EFCAB11: variants seen among roughly 807,000 people sequenced by gnomAD.
EFCAB11 encodes the protein EF-hand calcium binding domain 11, also known as EF-hand calcium-binding domain-containing protein 11.
EFCAB11 carries 14 observed loss-of-function variants against 23.0 expected under a neutral mutation model. That is an observed-to-expected ratio of 0.61 (90% CI 0.40 to 0.95). The LOEUF (loss-of-function observed/expected upper bound fraction) is 0.95. Ranked by LOEUF, EFCAB11 falls within the 40% of genes least tolerant of loss-of-function variation. The pLI, the probability that EFCAB11 is intolerant of heterozygous loss-of-function variation, is 0.00. For synonymous variants in EFCAB11, 65 were observed against 66.6 expected (o/e 0.98, Z 0.11); for missense variants, 198 against 195.8 (o/e 1.01, Z -0.07).
Position 89,813,589 on chromosome 14 carries a change from G to C in EFCAB11, c.411-16265C>G, listed in dbSNP as rs1886223296. On this transcript the variant is annotated intron_variant, in intron 5 of 5. Coordinates refer to ENST00000316738, the MANE Select transcript of EFCAB11 (RefSeq NM_145231.4). ...TCTCTATTTCCAACATATTCTATGAGGAGCATTTGTTACTTCAGCCAGATC... is the reference window on the plus strand; with the variant it reads ...TCTCTATTTCCAACATATTCTATGACGAGCATTTGTTACTTCAGCCAGATC... Among the ~76,000 whole-genome samples, 5 of 151,770 alleles carry C rather than the reference G, an allele frequency of 3.3e-5. No homozygotes were observed. In the South Asian group the frequency reaches 1.0e-3, roughly 32 times the overall value.
intron 5 of EFCAB11, among the ~76,000 whole-genome samples, chr14:89,903,636 G>C (rs1596444306): frequency 6.6e-6 from 1 of 152,136 alleles, no homozygotes; most frequent in Non-Finnish European, 1.5e-5. Flanking sequence ...TTTAAAAATA[G>C]ATCTGAGAAA....
chr14:89,941,124 A>C (rs1346706165), intron 3 of EFCAB11, among the ~76,000 whole-genome samples: 1 of 152,222 alleles, frequency 6.6e-6, no homozygotes, highest in Admixed American at 6.5e-5. Flanking sequence ...CCCCTCCATG[A>C]GACATCACAG....
intron 3 of EFCAB11, among the ~76,000 whole-genome samples, chr14:89,940,436 T>C (rs761490199): frequency 3.3e-5 from 5 of 152,220 alleles, no homozygotes; most frequent in Admixed American, 6.5e-5. Context: ...GTCAACTGTC[T>C]TGTTTAGAAC....
At chr14:89,872,287 A>C (rs1486189628) in intron 5 of EFCAB11, among the ~76,000 whole-genome samples, 2 of 152,176 alleles carry the variant, frequency 1.3e-5, no homozygotes. Context: ...AGACAAAGGG[A>C]GGCAGGGTTA....
chr14:89,869,478 C>A (rs539749505), intron 5 of EFCAB11, among the ~76,000 whole-genome samples: 7 of 152,234 alleles, frequency 4.6e-5, no homozygotes, highest in African/African-American at 1.7e-4. Flanking sequence ...ATTCTCACTT[C>A]TATGAGGTTA....
In EFCAB11 at chr14:89,808,438, T is replaced by C. The variant is rs145542918; in HGVS notation, c.411-11114A>G. Among the ~76,000 whole-genome samples, 93 of 152,080 alleles carry C rather than the reference T, an allele frequency of 6.1e-4. 1 individual carries two copies. The highest frequency in any genetic ancestry group is 2.2e-3 in the African/African-American group (92 of 41,486). ...GATTTTTTTTTCCATTAAATGAGAG[T>C]GCAGGAACTTATATAAAAATTAAGA... On this transcript the variant is annotated intron_variant, in intron 5 of 5. Transcript: ENST00000316738.
At chr14:89,879,345 A>G (rs778480861) in intron 5 of EFCAB11, among the ~76,000 whole-genome samples, 7 of 151,980 alleles carry the variant, frequency 4.6e-5, no homozygotes, top group Non-Finnish European at 7.4e-5. Context: ...AGCCTGTGTT[A>G]TTGTTCTTTT....
chr14:89,925,486 C>T (rs1036902239), intron 5 of EFCAB11, among the ~76,000 whole-genome samples: 1 of 152,114 alleles, frequency 6.6e-6, no homozygotes, highest in African/African-American at 2.4e-5. Flanking sequence ...TTCTATAGTA[C>T]AAACAGTACT....
Position 89,946,478 on chromosome 14 carries a change from C to G in EFCAB11, c.217+3619G>C, listed in dbSNP as rs566185717. On this transcript the variant is annotated intron_variant, in intron 3 of 5. Transcript: ENST00000316738. The stretch of plus-strand genomic sequence containing the variant: ...GGCTGTTGAGATCATTTACATCTAA[C>G]TAAAACATTAATGATTGGATTTAAA... Among the ~76,000 whole-genome samples, 29 of 152,292 alleles carry G rather than the reference C, an allele frequency of 1.9e-4. No homozygotes were observed. The South Asian group carries it at 5.8e-3, about 30-fold the overall frequency.
chr14:89,909,841 T>A (rs796177792), intron 5 of EFCAB11, among the ~76,000 whole-genome samples: 1 of 152,184 alleles, frequency 6.6e-6, no homozygotes, highest in Non-Finnish European at 1.5e-5. Context: ...ATGCACTCTG[T>A]CTAGAATATG....
chr14:89,813,905 T>G (rs1886236410), intron 5 of EFCAB11, among the ~76,000 whole-genome samples: 1 of 152,192 alleles, frequency 6.6e-6, no homozygotes, highest in Non-Finnish European at 1.5e-5. Flanking sequence ...GCTTGACTTC[T>G]GCGGAGAAGG....
chr14:89,952,494 T>C, intron 2 of EFCAB11: 1 of 985,458 alleles, frequency 1.0e-6, no homozygotes, highest in Non-Finnish European at 1.2e-6. Flanking sequence ...ACAGGAGAGC[T>C]GCCATTTCTA....
intron 5 of EFCAB11, among the ~76,000 whole-genome samples, chr14:89,862,515 A>G (rs1887956690): frequency 6.6e-6 from 1 of 152,234 alleles, no homozygotes; most frequent in African/African-American, 2.4e-5. Context: ...GGTCAGAGAC[A>G]TATTTTCCAA....
At chr14:89,822,640 A>G (rs1245735003) in intron 5 of EFCAB11, among the ~76,000 whole-genome samples, 3 of 152,212 alleles carry the variant, frequency 2.0e-5, no homozygotes, top group African/African-American at 7.2e-5. Context: ...ATGGACACAC[A>G]GAGTGTGAGA....
At chr14:89,881,636 C>T (rs901813418) in intron 5 of EFCAB11, among the ~76,000 whole-genome samples, 7 of 150,202 alleles carry the variant, frequency 4.7e-5, no homozygotes, top group Admixed American at 2.7e-4. Flanking sequence ...TTAGTAGAGG[C>T]GGGGTTTCAC....
chr14:89,938,485 G>T (rs1180884680), intron 3 of EFCAB11, among the ~76,000 whole-genome samples: 2 of 152,180 alleles, frequency 1.3e-5, no homozygotes, highest in African/African-American at 4.8e-5. Context: ...TTCAAAAATA[G>T]TGAGTTGTCA....
At chr14:89,854,850 C>T (rs1255343458) in intron 5 of EFCAB11, among the ~76,000 whole-genome samples, 4 of 152,100 alleles carry the variant, frequency 2.6e-5, no homozygotes, top group African/African-American at 4.8e-5. Flanking sequence ...TATTTGAATG[C>T]ACCTGCTCTT....
At position 89,881,317 on chromosome 14, in the gene EFCAB11, CTCT is replaced by C. The variant is rs775107842; in HGVS notation, c.410+50221_410+50223del. Reference sequence around the variant, plus strand: ...AGAAGTAAAAGGCTGAATAACTGAGCTCTTCATCAACCCCCATATTTAGAGATA... The same window carrying C: ...AGAAGTAAAAGGCTGAATAACTGAGCTCATCAACCCCCATATTTAGAGATA... On this transcript the variant is annotated intron_variant, in intron 5 of 5. Coordinates refer to ENST00000316738, the MANE Select transcript of EFCAB11 (RefSeq NM_145231.4). Among the ~76,000 whole-genome samples the C allele has an allele frequency of 9.0e-4, 135 of 150,824 alleles. 1 individual carries two copies. In the Middle Eastern group the frequency reaches 0.017, roughly 19 times the overall value.
intron 5 of EFCAB11, among the ~76,000 whole-genome samples, chr14:89,896,098 T>G (rs1889145559): frequency 6.6e-6 from 1 of 152,038 alleles, no homozygotes; most frequent in Non-Finnish European, 1.5e-5. Flanking sequence ...GATTAAGAAG[T>G]CTGGCGGCCG....
Sources: allele counts gnomAD v4.1 joint callset (sites outside exome capture counted in the v4.1 genomes callset), GRCh38; gene constraint gnomAD v4.1.1; transcripts MANE v1.5; gene names NCBI Gene and HGNC (gene_info 2026-07-23, HGNC 2026-07-21).